Variants in TRPM1 observed in about 807,000 individuals in gnomAD.
TRPM1 encodes the protein TRPM1-203 APA Isoform, Intron 10.
Under a neutral mutation model 149.4 loss-of-function variants are expected in TRPM1, and 113 were observed. That is an observed-to-expected ratio of 0.76 (90% CI 0.65 to 0.88). The LOEUF (loss-of-function observed/expected upper bound fraction) is 0.88. Ranked by LOEUF, TRPM1 falls within the 40% of genes least tolerant of loss-of-function variation. The pLI, the probability that TRPM1 is intolerant of heterozygous loss-of-function variation, is 0.00. For synonymous variants in TRPM1, 741 were observed against 759.5 expected (o/e 0.98, Z 0.40); for missense variants, 1,976 against 2,038.7 (o/e 0.97, Z 0.59).
chr15:31,144,440 A>G (rs1163697583), intron 1 of TRPM1, among the ~76,000 whole-genome samples: 1 of 152,206 alleles, frequency 6.6e-6, no homozygotes, highest in Non-Finnish European at 1.5e-5. Context: ...CTGTCTCAAA[A>G]TAAATGAACA....
upstream of TRPM1, among the ~76,000 whole-genome samples, chr15:31,104,316 C>A (rs1387588608): frequency 1.3e-5 from 2 of 152,138 alleles, no homozygotes; most frequent in Admixed American, 1.3e-4. Flanking sequence ...CCCAGGCTAG[C>A]AGGGGACACC....
At chr15:31,138,333 G>T (rs72714643) in intron 1 of TRPM1, among the ~76,000 whole-genome samples, 18,247 of 151,762 alleles carry the variant, frequency 0.12, 1,153 homozygotes, top group South Asian at 0.14. Context: ...GCTCTGATAA[G>T]CTTCCTCCAG....
upstream of TRPM1, among the ~76,000 whole-genome samples, chr15:31,106,532 G>A (rs2035609693): frequency 6.6e-6 from 1 of 152,206 alleles, no homozygotes; most frequent in African/African-American, 2.4e-5. Context: ...TTCTCACAAA[G>A]ATGGTAGAGG....
chr15:31,135,981 G>C (rs1305646312), intron 1 of TRPM1, among the ~76,000 whole-genome samples: 1 of 152,170 alleles, frequency 6.6e-6, no homozygotes, highest in East Asian at 1.9e-4. Context: ...AAAGTAAGTG[G>C]AGCAGTAATA....
chr15:31,035,468 A>G, intron 21 of TRPM1, 78 bp downstream of exon 21: 1 of 1,602,656 alleles, frequency 6.2e-7, no homozygotes, highest in Admixed American at 1.7e-5. Context: ...TTTGCATGAA[A>G]CGTTTTTTCA....
At chr15:31,087,120 C>A (rs1170658326) in intron 1 of TRPM1, among the ~76,000 whole-genome samples, 1 of 150,616 alleles carries the variant, frequency 6.6e-6, no homozygotes, top group Admixed American at 6.6e-5. Context: ...TTGTTCATTG[C>A]TGGCAGGAAT....
At chr15:31,054,099 T>C (rs1222877227) in intron 11 of TRPM1, among the ~76,000 whole-genome samples, 1 of 152,180 alleles carries the variant, frequency 6.6e-6, no homozygotes, top group East Asian at 1.9e-4. Context: ...TGGGGAATTA[T>C]TGTTTGATGG....
At chr15:31,037,876 T>C in intron 19 of TRPM1, 34 bp from the exon 20 acceptor site, 1 of 1,613,922 alleles carries the variant, frequency 6.2e-7, no homozygotes, top group Non-Finnish European at 8.5e-7. Context: ...GACAGGCAGG[T>C]GGCTAAATGG....
intron 1 of TRPM1, among the ~76,000 whole-genome samples, chr15:31,090,085 C>T (rs1055360509): frequency 3.9e-5 from 6 of 152,010 alleles, no homozygotes; most frequent in African/African-American, 1.2e-4. Context: ...TCTTTTTTTC[C>T]TCTGCAACCC....
At chr15:31,033,526 C>T (rs557568267) in intron 21 of TRPM1, among the ~76,000 whole-genome samples, 19 of 152,340 alleles carry the variant, frequency 1.2e-4, no homozygotes, top group Middle Eastern at 3.4e-3. Context: ...CATGCACAGG[C>T]GTGCGCAGAG....
intron 1 of TRPM1, among the ~76,000 whole-genome samples, chr15:31,128,701 C>G (rs536448640): frequency 6.6e-6 from 1 of 152,342 alleles, no homozygotes; most frequent in East Asian, 1.9e-4. Flanking sequence ...CCACTCCAGA[C>G]AGGCTCTCCA....
chr15:31,047,832 A>C (rs1363657714), intron 14 of TRPM1, 57 bp downstream of exon 14: 4 of 1,418,490 alleles, frequency 2.8e-6, no homozygotes, highest in Middle Eastern at 1.8e-4. Flanking sequence ...ACTTGCTCTT[A>C]AGAAATGATT....
intron 4 of TRPM1, chr15:31,069,654 A>G: frequency 7.3e-7 from 1 of 1,369,870 alleles, no homozygotes; most frequent in South Asian, 2.1e-5. Flanking sequence ...ACCTCAGAGG[A>G]AAATATTTCC....
chr15:31,079,500 C>T (rs998509938), intron 2 of TRPM1, among the ~76,000 whole-genome samples: 1 of 152,226 alleles, frequency 6.6e-6, no homozygotes, highest in Non-Finnish European at 1.5e-5. Context: ...GGCAGCTGAC[C>T]ACCCTCTGAG....
At position 31,101,300 on chromosome 15, in the gene TRPM1, C is replaced by T. The variant is rs150405891; in HGVS notation, c.-84+357G>A. On this transcript the variant is annotated intron_variant, in intron 1 of 27. Transcript: ENST00000256552. ...AGGGAAGCTCAGAGGGTTTCAGCCT[C>T]TTTGAGACCAGCTGACAGAGTACTT... 2.6e-5 allele frequency among the ~76,000 whole-genome samples: 4 copies of T among 152,336 alleles called. No homozygotes were observed. The East Asian group carries it at 7.7e-4, about 29-fold the overall frequency.
At chr15:31,149,907 C>T (rs1014297645) in intron 1 of TRPM1, among the ~76,000 whole-genome samples, 13 of 152,334 alleles carry the variant, frequency 8.5e-5, no homozygotes, top group African/African-American at 2.9e-4. Flanking sequence ...CGAGCATTGA[C>T]GATTTGGTAG....
chr15:31,049,011 C>G (rs1227078066), intron 13 of TRPM1, among the ~76,000 whole-genome samples: 1 of 152,146 alleles, frequency 6.6e-6, no homozygotes, highest in African/African-American at 2.4e-5. Flanking sequence ...ACCCCAAAGC[C>G]TCATCAAATG....
intron 27 of TRPM1, among the ~76,000 whole-genome samples, chr15:31,024,574 C>G (rs1390772379): frequency 6.6e-6 from 1 of 152,148 alleles, no homozygotes; most frequent in Non-Finnish European, 1.5e-5. Context: ...ACAGAGCCCC[C>G]AGAGAAAAAT....
exon 1 of TRPM1, chr15:31,160,989 C>G (rs1458947330): frequency 2.0e-6 from 3 of 1,534,724 alleles, no homozygotes; most frequent in African/African-American, 2.7e-5. Context: ...AGCCACCCTG[C>G]TGACTCCCTC....
Sources: allele counts gnomAD v4.1 joint callset (sites outside exome capture counted in the v4.1 genomes callset), GRCh38; gene constraint gnomAD v4.1.1; transcripts MANE v1.5; gene names NCBI Gene and HGNC (gene_info 2026-07-23, HGNC 2026-07-21).